TENM2: variants seen among roughly 807,000 people sequenced by gnomAD.
TENM2 encodes teneurin transmembrane protein 2, also known as teneurin-2.
A neutral mutation model predicts 245.2 loss-of-function variants in TENM2; 52 were observed. The observed-to-expected ratio is 0.21, with a 90% CI of 0.17 to 0.27. TENM2 has a LOEUF of 0.27. Among genes scored for constraint, TENM2 ranks in the 10% least tolerant of loss-of-function variants. The pLI is 1.00. For missense variants in TENM2, 3,046 were observed against 3,666.8 expected, an observed-to-expected ratio of 0.83 and a Z score of 4.37; for synonymous variants, 1,363 against 1,438.9, an observed-to-expected ratio of 0.95 and a Z score of 1.19.
chr5:167,281,899 C>G (rs1286868650), upstream of TENM2, among the ~76,000 whole-genome samples: 1 of 150,072 alleles, frequency 6.7e-6, no homozygotes, highest in Non-Finnish European at 1.5e-5. Context: ...ACTTGGGAGG[C>G]AGAGGCAGGA....
chr5:167,446,882 T>C (rs1355008751), intron 2 of TENM2, among the ~76,000 whole-genome samples: 2 of 152,042 alleles, frequency 1.3e-5, no homozygotes, highest in Non-Finnish European at 2.9e-5. Flanking sequence ...ATCCTTTATT[T>C]GAAATGCTTG....
chr5:167,450,849 C>A (rs1020962854), intron 2 of TENM2, among the ~76,000 whole-genome samples: 2 of 152,024 alleles, frequency 1.3e-5, no homozygotes, highest in African/African-American at 4.8e-5. Context: ...ACTTATTAGT[C>A]AAAAGCTAAG....
intron 4 of TENM2, among the ~76,000 whole-genome samples, chr5:167,971,457 T>C (rs1396064784): frequency 6.6e-6 from 1 of 151,976 alleles, no homozygotes. Flanking sequence ...TCCCAGAACT[T>C]TGGGAGGCCG....
chr5:167,921,555 T>A (rs1487416483), intron 3 of TENM2, among the ~76,000 whole-genome samples: 1 of 152,166 alleles, frequency 6.6e-6, no homozygotes, highest in Non-Finnish European at 1.5e-5. Context: ...CGCGAGCTTT[T>A]GAGAAATGTA....
chr5:167,549,649 T>G (rs1772803633), intron 2 of TENM2, among the ~76,000 whole-genome samples: 1 of 152,210 alleles, frequency 6.6e-6, no homozygotes. Flanking sequence ...GGAGATTTGA[T>G]GTATCTGTAC....
chr5:167,758,332 C>T (rs1226921226), intron 2 of TENM2, among the ~76,000 whole-genome samples: 3 of 152,134 alleles, frequency 2.0e-5, no homozygotes, highest in Non-Finnish European at 4.4e-5. Flanking sequence ...TTGCTCTCTG[C>T]CTTGGAAGCT....
intron 5 of TENM2, among the ~76,000 whole-genome samples, chr5:168,037,497 C>T (rs999021747): frequency 6.8e-6 from 1 of 147,642 alleles, no homozygotes; most frequent in Non-Finnish European, 1.5e-5. Context: ...GTCATAGAAA[C>T]TCAATTTAAT....
At chr5:168,010,522 CT>C (rs1242656656) in intron 5 of TENM2, among the ~76,000 whole-genome samples, 1 of 152,204 alleles carries the variant, frequency 6.6e-6, no homozygotes, top group African/African-American at 2.4e-5. Flanking sequence ...CTCTTCAGAG[CT>C]TCATAATAAT....
chr5:167,461,137 G>T (rs1209715200), intron 2 of TENM2, among the ~76,000 whole-genome samples: 1 of 151,632 alleles, frequency 6.6e-6, no homozygotes, highest in African/African-American at 2.4e-5. Flanking sequence ...TGATGGAAAA[G>T]GTTTAAAGTT....
intron 2 of TENM2, among the ~76,000 whole-genome samples, chr5:167,832,484 A>G (rs1768589408): frequency 6.6e-6 from 1 of 152,232 alleles, no homozygotes; most frequent in South Asian, 2.1e-4. Context: ...GCTGCAATAC[A>G]TTATGTAAAA....
intron 2 of TENM2, among the ~76,000 whole-genome samples, chr5:167,623,733 G>A (rs1778323076): frequency 6.6e-6 from 1 of 151,990 alleles, no homozygotes; most frequent in African/African-American, 2.4e-5. Context: ...GAGAGTGTGT[G>A]GAATACTAGT....
intron 2 of TENM2, among the ~76,000 whole-genome samples, chr5:167,418,993 T>G: frequency 6.6e-6 from 1 of 152,170 alleles, no homozygotes; most frequent in East Asian, 1.9e-4. Context: ...AGAAATTAGA[T>G]AATTTGACTA....
the TENM2 span, among the ~76,000 whole-genome samples, chr5:167,101,849 T>TTATATATATATATTTA: frequency 1.6e-3 from 109 of 69,440 alleles, no homozygotes; most frequent in African/African-American, 5.9e-3. Flanking sequence ...ATATATATAT[T>TTATATATATATATTTA]TATATATATA....
At chr5:167,462,406 A>G (rs962290569) in intron 2 of TENM2, among the ~76,000 whole-genome samples, 2 of 152,138 alleles carry the variant, frequency 1.3e-5, no homozygotes, top group Non-Finnish European at 2.9e-5. Context: ...TTCTGTTCAC[A>G]GACGGTTTAA....
At chr5:167,215,153 T>A in the TENM2 span, among the ~76,000 whole-genome samples, 2 of 152,316 alleles carry the variant, frequency 1.3e-5, no homozygotes, top group African/African-American at 4.8e-5. Context: ...TCTTGCCCCC[T>A]GCTAAAGCTA....
chr5:167,089,292 A>T, the TENM2 span, among the ~76,000 whole-genome samples: 352 of 152,348 alleles, frequency 2.3e-3, 2 homozygotes, highest in African/African-American at 8.2e-3. Context: ...ATTTTTAATT[A>T]CTGTGATAGC....
intron 2 of TENM2, among the ~76,000 whole-genome samples, chr5:167,455,086 G>C (rs1427470758): frequency 1.3e-5 from 2 of 152,180 alleles, no homozygotes; most frequent in African/African-American, 4.8e-5. Flanking sequence ...ATTCCTTTCT[G>C]ATCTTACCAA....
At chr5:168,002,493 G>T (rs371613321) in intron 5 of TENM2, among the ~76,000 whole-genome samples, 2 of 152,166 alleles carry the variant, frequency 1.3e-5, no homozygotes, top group African/African-American at 2.4e-5. Flanking sequence ...TCTTCAGGCC[G>T]TGATAAACAA....
chr5:167,821,154 G>C (rs1023695154), intron 2 of TENM2: 5 of 152,182 alleles, frequency 3.3e-5, no homozygotes, highest in African/African-American at 1.2e-4. Flanking sequence ...TTTAGAAAAG[G>C]ACCTCAGGGA....
Sources: gnomAD v4.1 joint callset for allele counts (sites outside exome capture counted in the v4.1 genomes callset) on GRCh38, gnomAD v4.1.1 for gene constraint, MANE v1.5 for transcripts, NCBI Gene and HGNC (gene_info 2026-07-23, HGNC 2026-07-21) for gene names.